Variants in MPG observed in about 807,000 individuals in gnomAD.
MPG encodes the protein DNA-3-methyladenine glycosylase.
Under a neutral mutation model 31.7 loss-of-function variants are expected in MPG, and 33 were observed. That is an observed-to-expected ratio of 1.04 (90% CI 0.79 to 1.39). The LOEUF (loss-of-function observed/expected upper bound fraction) is 1.39. Among genes scored for constraint, MPG ranks in the 40% most tolerant of loss-of-function variants. The probability of loss-of-function intolerance (pLI) is 0.00; values close to 1 mark genes in which losing one functional copy is unlikely to be tolerated. For missense variants in MPG, 455 were observed against 415.5 expected, an observed-to-expected ratio of 1.10 and a Z score of -0.83; for synonymous variants, 202 against 169.2, an observed-to-expected ratio of 1.19 and a Z score of -1.51.
At chr16:79,374 C>T in intron 1 of MPG, 51 bp from the exon 2 acceptor site, 1 of 1,613,956 alleles carries the variant, frequency 6.2e-7, no homozygotes, top group Non-Finnish European at 8.5e-7. Context: ...CTGACCTTAC[C>T]ACACAGCTGT....
At chr16:83,315 C>T in intron 3 of MPG, 59 bp downstream of exon 3, 1 of 1,504,212 alleles carries the variant, frequency 6.6e-7, no homozygotes, top group Non-Finnish European at 9.1e-7. Context: ...CCGCTAGCAG[C>T]CAGGGGACCA....
At chr16:81,443 T>TCTAAGCTCCAGGGAAGATGGAGCTTCC (rs1898232497) in intron 2 of MPG, among the ~76,000 whole-genome samples, 1 of 152,146 alleles carries the variant, frequency 6.6e-6, no homozygotes, top group Non-Finnish European at 1.5e-5. Context: ...GGGCATTCCC[T>TCTAAGCTCCAGGGAAGATGGAGCTTCC]CTAAGCTCCA....
At chr16:81,239 G>C (rs1272604729) in intron 2 of MPG, among the ~76,000 whole-genome samples, 1 of 152,208 alleles carries the variant, frequency 6.6e-6, no homozygotes, top group African/African-American at 2.4e-5. Flanking sequence ...TGGCCATGGG[G>C]GTGGGGAGGG....
chr16:78,902 G>A (rs138253742), intron 1 of MPG, among the ~76,000 whole-genome samples: 1 of 152,304 alleles, frequency 6.6e-6, no homozygotes, highest in East Asian at 1.9e-4. Context: ...CCTGGGCCAT[G>A]AAGCAGAGGA....
At position 78,472 on chromosome 16, in the gene MPG, T is replaced by C. The variant is rs957427532; in HGVS notation, c.24+139T>C. The C allele has an allele frequency of 3.9e-6, 3 of 768,768 alleles. No individual in the cohort carries two copies. In the East Asian group the frequency reaches 1.6e-4, roughly 42 times the overall value. 47.6% of individuals were successfully genotyped at this position (768,768 alleles called of 1,614,324 possible). On this transcript the variant is annotated intron_variant, in intron 1 of 3. Coordinates refer to ENST00000356432, the MANE Select transcript of MPG (RefSeq NM_001015052.3). ...GAGGGTTCGGGGCAGAGCCAGAGCA[T>C]AGGCCAAGGGCCAAGCTCGGGCCGA...
Position 79,980 on chromosome 16 carries a change from G to A in MPG, c.300+280G>A, listed in dbSNP as rs549997308. On this transcript the variant is annotated intron_variant, in intron 2 of 3. Transcript: ENST00000356432. ...CATCTAGGGCAGGAGCACTTGCACC[G>A]TTAGCCTTCCTCACCGGCAATCCAC... 139 of 534,422 alleles carry A rather than the reference G, an allele frequency of 2.6e-4. 1 individual carries two copies. In the South Asian group the frequency reaches 3.0e-3, roughly 11 times the overall value. 33.1% of individuals were successfully genotyped at this position (534,422 alleles called of 1,614,324 possible).
At chr16:83,333 G>T (rs371744730) in intron 3 of MPG, 77 bp downstream of exon 3, 1 of 1,416,042 alleles carries the variant, frequency 7.1e-7, no homozygotes, top group East Asian at 2.3e-5. Flanking sequence ...CCACTAGGAG[G>T]ACTGAGGTGG....
intron 1 of MPG, 97 bp downstream of exon 1, chr16:78,430 G>T (rs967936154): frequency 2.9e-6 from 3 of 1,041,078 alleles, no homozygotes; most frequent in Admixed American, 4.8e-5. Flanking sequence ...GGGGACGGGC[G>T]TAGCGCCCAC....
chr16:83,347 CA>C (rs746426029), intron 3 of MPG, 91 bp downstream of exon 3: 1 of 1,335,316 alleles, frequency 7.5e-7, no homozygotes, highest in South Asian at 1.3e-5. Context: ...GAGGTGGGGC[CA>C]GCATTTGAGC....
At chr16:85,134 G>T (rs1024160681) in intron 3 of MPG, among the ~76,000 whole-genome samples, 4 of 152,258 alleles carry the variant, frequency 2.6e-5, no homozygotes, top group Non-Finnish European at 5.9e-5. Context: ...CTGCCTGGTG[G>T]TGGAAGCCAG....
chr16:79,820 T>A, intron 2 of MPG, 120 bp downstream of exon 2: 1 of 1,172,434 alleles, frequency 8.5e-7, no homozygotes, highest in Non-Finnish European at 1.2e-6. Context: ...CTCATGCATT[T>A]AGCGGCTTTG....
chr16:78,630 C>A (rs960372820), intron 1 of MPG, among the ~76,000 whole-genome samples: 3 of 152,204 alleles, frequency 2.0e-5, no homozygotes, highest in Non-Finnish European at 2.9e-5. Context: ...GTCAGCACTC[C>A]CGTTAAAAAT....
intron 3 of MPG, 42 bp downstream of exon 3, chr16:83,298 G>A: frequency 6.4e-7 from 1 of 1,573,100 alleles, no homozygotes; most frequent in Non-Finnish European, 8.7e-7. Context: ...GGCCGGCAGA[G>A]CCCTGTCCGC....
At position 85,846 on chromosome 16, in the gene MPG, A is replaced by C; in HGVS notation, c.*69A>C. ...CGAATAAATGTTTTATTTCTAGAAA[A>C]CTGTGCCTTAGCCAGAGCTCCTCTA... is the stretch of plus-strand genomic sequence containing the variant. On this transcript the variant is annotated 3_prime_UTR_variant, in exon 4 of 4. Coordinates refer to ENST00000356432, the MANE Select transcript of MPG (RefSeq NM_001015052.3). 1 of 1,393,620 alleles carries C rather than the reference A, an allele frequency of 7.2e-7. No individual in the cohort carries two copies. The highest frequency in any genetic ancestry group is 9.3e-7 in the Non-Finnish European group (1 of 1,071,458). The allele number at this position is 1,393,620 out of a possible 1,614,324, so 86.3% of individuals were successfully genotyped here.
Position 79,526 on chromosome 16 carries a change from C to T in MPG, c.126C>T (p.Ser42=), listed in dbSNP as rs1567123190. 2 of 1,612,872 alleles carry T rather than the reference C, an allele frequency of 1.2e-6. No homozygotes were observed. The highest frequency in any genetic ancestry group is 1.7e-5 in the Admixed American group (1 of 59,992). The change falls in exon 2 of 4, where the codon AGC becomes AGT. Residue 42 remains serine, a synonymous_variant. Coordinates refer to ENST00000356432, the MANE Select transcript of MPG (RefSeq NM_001015052.3). ...AGGCACCTGCAGAGCAGCCACACAG[C>T]TCGTCCGATGCAGCCCAGGCACCTT... is the stretch of plus-strand genomic sequence containing the variant. The part of the protein sequence containing the change: ...AAQAPAEQPH[S]SSDAAQAPCP...
chr16:80,664 C>G (rs2541633), intron 2 of MPG, among the ~76,000 whole-genome samples: 112,270 of 151,996 alleles, frequency 0.74, 44,340 homozygotes, highest in South Asian at 0.9. Flanking sequence ...CAAAAATTAG[C>G]TGGGTGTGAT....
At chr16:80,585 T>C (rs1304836355) in intron 2 of MPG, among the ~76,000 whole-genome samples, 1 of 151,732 alleles carries the variant, frequency 6.6e-6, no homozygotes, top group East Asian at 1.9e-4. Context: ...CGGAGGTGGG[T>C]GGATCACGAG....
At chr16:80,803 C>A (rs777221040) in intron 2 of MPG, among the ~76,000 whole-genome samples, 1 of 151,572 alleles carries the variant, frequency 6.6e-6, no homozygotes, top group Non-Finnish European at 1.5e-5. Context: ...GGCGAGACTC[C>A]GTCTCAAAAA....
At position 82,132 on chromosome 16, in the gene MPG, TGCTCCCC is replaced by T. The variant is rs1178521030; in HGVS notation, c.301-919_301-913del. Among the ~76,000 whole-genome samples the T allele has an allele frequency of 2.5e-3, 209 of 84,154 alleles. 45 individuals are homozygous for T. The highest frequency in any genetic ancestry group is 0.013 in the African/African-American group (143 of 10,756). 55.2% of individuals were successfully genotyped at this position (84,154 alleles called of 152,430 possible). ...CCTACCTCCGGGAAGCCCTCCTGAATGCTCCCCACGCTGGCCCCTTCTTCCCACCACC... is the reference window on the plus strand; with the variant it reads ...CCTACCTCCGGGAAGCCCTCCTGAATACGCTGGCCCCTTCTTCCCACCACC... On this transcript the variant is annotated intron_variant, in intron 2 of 3. Coordinates refer to ENST00000356432, the MANE Select transcript of MPG (RefSeq NM_001015052.3).
Sources: allele counts gnomAD v4.1 joint callset (sites outside exome capture counted in the v4.1 genomes callset), GRCh38; gene constraint gnomAD v4.1.1; transcripts MANE v1.5; gene names NCBI Gene and HGNC (gene_info 2026-07-23, HGNC 2026-07-21).